The following KIF15 variants were observed in gnomAD, a reference collection of about 807,000 sequenced individuals.
KIF15 encodes kinesin family member 15.
In KIF15, 140 loss-of-function variants were observed where a neutral mutation model predicts 190.6. The observed-to-expected ratio is 0.73, with a 90% CI of 0.64 to 0.84. The LOEUF is 0.84. KIF15 is among the 40% of genes least tolerant of loss of function. KIF15 has a pLI of 0.00. For synonymous variants in KIF15, 528 were observed against 551.3 expected, an observed-to-expected ratio of 0.96 and a Z score of 0.59; for missense variants, 1,372 against 1,584.4, an observed-to-expected ratio of 0.87 and a Z score of 2.28.
chr3:44,867,075 G>A (rs1038715880), intron 6 of KIF15, among the ~76,000 whole-genome samples: 1 of 152,160 alleles, frequency 6.6e-6, no homozygotes, highest in African/African-American at 2.4e-5. Context: ...AGTTACTCTT[G>A]TTCCTGTATT....
At chr3:44,817,910 T>C in intron 20 of KIF15, among the ~76,000 whole-genome samples, 1 of 152,188 alleles carries the variant, frequency 6.6e-6, no homozygotes, top group East Asian at 1.9e-4. Context: ...TGTCCTCTTT[T>C]ATTTCGTTGA....
chr3:44,801,802 C>A lies in KIF15; in HGVS notation c.1337C>A (p.Thr446Asn). The change falls in exon 13 of 35, where the codon ACC (threonine) becomes AAC (asparagine). Residue 446 changes from threonine to asparagine, a missense_variant. Transcript: ENST00000326047. ...AAAGTTACCCAATTAGAAGACCTCA[C>A]CCTCAAAAAGGAAAAATTTATTCAA... ...IEKVTQLEDL[T>N]LKKEKFIQSN... is the part of the protein sequence containing the mutation. The A allele has an allele frequency of 6.2e-7, 1 of 1,601,278 alleles. No individual in the cohort carries two copies. Among genetic ancestry groups the A allele is most frequent in the Non-Finnish European group, 8.5e-7 (1 of 1,170,094 alleles).
At chr3:44,779,294 A>G (rs1706055519) in intron 4 of KIF15, among the ~76,000 whole-genome samples, 1 of 152,056 alleles carries the variant, frequency 6.6e-6, no homozygotes, top group Non-Finnish European at 1.5e-5. Flanking sequence ...CAGCCATTTC[A>G]CCAATGAACC....
At chr3:44,861,939 G>A (rs762553980) in intron 6 of KIF15, 16 of 1,422,904 alleles carry the variant, frequency 1.1e-5, no homozygotes, top group South Asian at 2.9e-5. Flanking sequence ...CCGAGAGGCC[G>A]GGGCCTCCGG....
At chr3:44,830,602 G>T (rs1369225019) in intron 25 of KIF15, among the ~76,000 whole-genome samples, 1 of 152,172 alleles carries the variant, frequency 6.6e-6, no homozygotes, top group Non-Finnish European at 1.5e-5. Context: ...CGAGGCGAAG[G>T]CTTTTGTCAC....
rs767766141 is a variant in KIF15, at chr3:44,774,383, T to A, written c.20-12T>A. 1.9e-6 allele frequency: 3 copies of A among 1,611,340 alleles called. No homozygotes were observed. In the East Asian group the frequency reaches 6.7e-5, roughly 36 times the overall value. The stretch of plus-strand genomic sequence containing the variant: ...AATTTAAATGACCTTTAATAACTTT[T>A]TTTTTTTCTAGCTGAGTTACGCAGC... On this transcript the variant is annotated splice_polypyrimidine_tract_variant and intron_variant, in intron 1 of 34. Transcript: ENST00000326047.
intron 26 of KIF15, 92 bp downstream of exon 26, chr3:44,831,110 G>A (rs781348647): frequency 2.2e-5 from 30 of 1,365,558 alleles, no homozygotes; most frequent in Non-Finnish European, 2.8e-5. Flanking sequence ...ATAAATACAG[G>A]ATTTTTAAAG....
Position 44,814,842 on chromosome 3 carries a change from C to G in KIF15, c.2384-69C>G, listed in dbSNP as rs57339731. ...CGACTTGATTTTGCTAATTGTGGGACTAGTACCTATCAGATTTATTTGTCT... is the reference window on the plus strand; with the variant it reads ...CGACTTGATTTTGCTAATTGTGGGAGTAGTACCTATCAGATTTATTTGTCT... On this transcript the variant is annotated intron_variant, in intron 19 of 34. Transcript: ENST00000326047. 7.8e-6 allele frequency: 10 copies of G among 1,287,064 alleles called. No homozygotes were observed. The African/African-American group carries it at 1.1e-4, about 14-fold the overall frequency. The allele number at this position is 1,287,064 out of a possible 1,614,324, so 79.7% of individuals were successfully genotyped here. A position where few individuals can be genotyped will look rare whatever the true frequency, so the allele number is the denominator to read the frequency against.
chr3:44,783,355 AGT>A, intron 5 of KIF15, among the ~76,000 whole-genome samples: 1 of 152,204 alleles, frequency 6.6e-6, no homozygotes, highest in South Asian at 2.1e-4. Flanking sequence ...GAGAGAGGAA[AGT>A]GAGAGAGAGA....
chr3:44,844,149 G>C (rs1311602729), intron 30 of KIF15, among the ~76,000 whole-genome samples: 2 of 146,672 alleles, frequency 1.4e-5, no homozygotes, highest in African/African-American at 2.8e-5. Context: ...CAACATCTTT[G>C]ACAGAGAAGC....
At chr3:44,847,105 A>G (rs1042958490) in intron 30 of KIF15, among the ~76,000 whole-genome samples, 17 of 152,230 alleles carry the variant, frequency 1.1e-4, no homozygotes, top group African/African-American at 3.9e-4. Context: ...CAGAAAACAT[A>G]TCTTTCCCTA....
At chr3:44,763,968 G>A (rs1029202903) in intron 1 of KIF15, among the ~76,000 whole-genome samples, 2 of 152,166 alleles carry the variant, frequency 1.3e-5, no homozygotes, top group African/African-American at 2.4e-5. Flanking sequence ...GATTACAGGC[G>A]TGAGCCACTG....
chr3:44,797,461 G>T, intron 8 of KIF15, 90 bp from the exon 9 acceptor site: 2 of 1,383,996 alleles, frequency 1.4e-6, no homozygotes, highest in Non-Finnish European at 2.0e-6. Flanking sequence ...TTTTCATCCA[G>T]AATTTTCCTC....
intron 20 of KIF15, among the ~76,000 whole-genome samples, chr3:44,821,256 C>T (rs1708279898): frequency 6.7e-6 from 1 of 149,590 alleles, no homozygotes; most frequent in Non-Finnish European, 1.5e-5. Flanking sequence ...GGGCGGAGGG[C>T]TGACCCCCCC....
chr3:44,786,377 G>A lies in KIF15; in HGVS notation c.460-18G>A. On this transcript the variant is annotated intron_variant, in intron 6 of 34. Transcript: ENST00000326047. Reference sequence around the variant, plus strand: ...ACACATGAAAATAATGTATCTAAATGAGGCTTCTTTTTTACAGGCTGGAGC... The same window carrying A: ...ACACATGAAAATAATGTATCTAAATAAGGCTTCTTTTTTACAGGCTGGAGC... The A allele has an allele frequency of 1.3e-6, 2 of 1,585,574 alleles. No individual in the cohort carries two copies. The highest frequency in any genetic ancestry group is 1.7e-6 in the Non-Finnish European group (2 of 1,163,000).
At chr3:44,786,625 A>C in intron 7 of KIF15, 51 bp downstream of exon 7, 1 of 1,455,130 alleles carries the variant, frequency 6.9e-7, no homozygotes, top group Non-Finnish European at 9.3e-7. Context: ...ACCTGCTGTG[A>C]ATGCACCCCA....
intron 7 of KIF15, among the ~76,000 whole-genome samples, chr3:44,792,616 G>A (rs1706767236): frequency 6.7e-6 from 1 of 148,506 alleles, no homozygotes; most frequent in Admixed American, 6.8e-5. Flanking sequence ...GCCCGATCTT[G>A]GCTCACTGCA....
At chr3:44,866,939 C>T (rs58965269) in intron 6 of KIF15, among the ~76,000 whole-genome samples, 1,843 of 152,306 alleles carry the variant, frequency 0.012, 32 homozygotes, top group African/African-American at 0.039. Context: ...CTTCACCTCT[C>T]GCTGGCAAAC....
Position 44,814,970 on chromosome 3 carries a change from T to G in KIF15, c.2443T>G (p.Ser815Ala). ...CCTTCATTCTGCTGACAAGGAGCTT[T>G]CTTCAGTGAAATTGGAATATAGTTC... ...VVLHSADKEL[S>A]SVKLEYSSFK... Residue 815 changes from serine to alanine, a missense_variant, in exon 20 of 35, where the codon TCT becomes GCT. Ser to Ala is a moderately conservative substitution (Grantham distance 99). Coordinates refer to ENST00000326047, the MANE Select transcript of KIF15 (RefSeq NM_020242.3). 1.2e-6 allele frequency: 2 copies of G among 1,613,012 alleles called. No individual in the cohort carries two copies.
Sources: allele counts gnomAD v4.1 joint callset (sites outside exome capture counted in the v4.1 genomes callset), GRCh38; gene constraint gnomAD v4.1.1; transcripts MANE v1.5; gene names NCBI Gene and HGNC (gene_info 2026-07-23, HGNC 2026-07-21).